Variants in SAMMSON observed in about 807,000 individuals in gnomAD.
The protein encoded by SAMMSON is survival associated mitochondrial melanoma specific oncogenic non-coding RNA, also known as long intergenic non-protein coding RNA 1212.
chr3:70,222,062 T>G (rs1291490135), intron 4 of SAMMSON, among the ~76,000 whole-genome samples: 1 of 152,116 alleles, frequency 6.6e-6, no homozygotes, highest in Non-Finnish European at 1.5e-5. Flanking sequence ...AACAACAATA[T>G]TAACCATTGC....
intron 2 of SAMMSON, among the ~76,000 whole-genome samples, chr3:70,416,479 T>C (rs555539327): frequency 1.5e-4 from 23 of 152,304 alleles, no homozygotes; most frequent in Admixed American, 5.9e-4. Flanking sequence ...TAGCAGTGTA[T>C]TACTCACGGA....
chr3:70,019,493 G>T (rs1473227604), intron 3 of SAMMSON, among the ~76,000 whole-genome samples: 1 of 152,100 alleles, frequency 6.6e-6, no homozygotes, highest in African/African-American at 2.4e-5. Context: ...CTTGAGATGG[G>T]TCTCCTGAAT....
At chr3:70,369,383 GA>G (rs892316711) in intron 9 of SAMMSON, among the ~76,000 whole-genome samples, 6 of 151,484 alleles carry the variant, frequency 4.0e-5, no homozygotes, top group African/African-American at 9.7e-5. Context: ...AGCATGACAG[GA>G]AAAAAATTTT....
chr3:70,083,229 G>C (rs2067272853), intron 4 of SAMMSON, among the ~76,000 whole-genome samples: 1 of 152,084 alleles, frequency 6.6e-6, no homozygotes, highest in African/African-American at 2.4e-5. Flanking sequence ...GGATTGTATC[G>C]CTTGCCATTT....
intron 9 of SAMMSON, among the ~76,000 whole-genome samples, chr3:70,379,003 AT>A (rs1703043614): frequency 1.3e-5 from 2 of 149,404 alleles, no homozygotes; most frequent in Non-Finnish European, 1.5e-5. Context: ...TTATTTATTT[AT>A]TTATTTATTT....
At chr3:70,321,268 C>T (rs1702536663) in intron 7 of SAMMSON, among the ~76,000 whole-genome samples, 2 of 152,040 alleles carry the variant, frequency 1.3e-5, no homozygotes, top group South Asian at 4.1e-4. Flanking sequence ...ATCCCCATTC[C>T]CAGGCAAACA....
intron 4 of SAMMSON, among the ~76,000 whole-genome samples, chr3:70,200,969 G>T (rs2106719957): frequency 6.6e-6 from 1 of 151,634 alleles, no homozygotes; most frequent in South Asian, 2.1e-4. Flanking sequence ...TTTTTGGGGT[G>T]GGGGTGGGTG....
intron 7 of SAMMSON, among the ~76,000 whole-genome samples, chr3:70,297,237 G>A (rs1479753972): frequency 9.9e-5 from 15 of 152,154 alleles, no homozygotes; most frequent in African/African-American, 3.6e-4. Flanking sequence ...ATTAGTTATT[G>A]TAAAATGAGT....
chr3:70,392,624 G>A (rs1701059673), downstream of SAMMSON, among the ~76,000 whole-genome samples: 1 of 152,066 alleles, frequency 6.6e-6, no homozygotes. Flanking sequence ...GTTAAAATGG[G>A]GGCTCTAGCA....
intron 7 of SAMMSON, among the ~76,000 whole-genome samples, chr3:70,295,373 T>G (rs1384833043): frequency 6.6e-6 from 1 of 152,124 alleles, no homozygotes; most frequent in African/African-American, 2.4e-5. Flanking sequence ...TTCCAAAAAC[T>G]CAACCCTTTG....
At chr3:70,096,776 G>T (rs1049724838) in intron 4 of SAMMSON, among the ~76,000 whole-genome samples, 1 of 152,116 alleles carries the variant, frequency 6.6e-6, no homozygotes, top group African/African-American at 2.4e-5. Flanking sequence ...TGTCCATGTA[G>T]CTCCTCATTC....
At chr3:70,185,444 G>C (rs1297552301) in intron 4 of SAMMSON, among the ~76,000 whole-genome samples, 1 of 152,078 alleles carries the variant, frequency 6.6e-6, no homozygotes, top group Non-Finnish European at 1.5e-5. Flanking sequence ...GGGGCCCAGA[G>C]CTCTCCCATG....
intron 4 of SAMMSON, among the ~76,000 whole-genome samples, chr3:70,079,683 G>A (rs1263610325): frequency 6.6e-6 from 1 of 152,170 alleles, no homozygotes; most frequent in Non-Finnish European, 1.5e-5. Flanking sequence ...ATGATGTTTG[G>A]TAGGTTAGGC....
At chr3:70,231,155 T>C (rs1434779253) in intron 4 of SAMMSON, among the ~76,000 whole-genome samples, 7 of 152,226 alleles carry the variant, frequency 4.6e-5, no homozygotes, top group African/African-American at 1.7e-4. Flanking sequence ...GTGAAAAATA[T>C]TATTGCCTGA....
intron 2 of SAMMSON, among the ~76,000 whole-genome samples, chr3:70,409,581 A>G (rs938889147): frequency 4.6e-5 from 7 of 152,102 alleles, no homozygotes; most frequent in African/African-American, 1.7e-4. Context: ...GGCCTTATCC[A>G]TGTCATTTAA....
intron 4 of SAMMSON, among the ~76,000 whole-genome samples, chr3:70,163,440 A>G (rs1219649239): frequency 6.6e-6 from 1 of 151,538 alleles, no homozygotes; most frequent in African/African-American, 2.4e-5. Context: ...AGTTTAGATT[A>G]ATATTAGCTT....
At position 70,037,228 on chromosome 3, in the gene SAMMSON, A is replaced by G. The variant is rs140857604; in HGVS notation, n.417+23556A>G. Among the ~76,000 whole-genome samples, 716 of 152,094 alleles carry G rather than the reference A, an allele frequency of 4.7e-3. 4 individuals carry two copies. The highest frequency in any genetic ancestry group is 0.015 in the South Asian group (71 of 4,816). Reference sequence around the variant, plus strand: ...TTCCTTTTGATTATGGCTTTACCCAATTCTATCTGGACTGCCATTCACACT... The same window carrying G: ...TTCCTTTTGATTATGGCTTTACCCAGTTCTATCTGGACTGCCATTCACACT... On this transcript the variant is annotated intron_variant and non_coding_transcript_variant, in intron 3 of 9. Transcript: ENST00000642114.
intron 7 of SAMMSON, among the ~76,000 whole-genome samples, chr3:70,308,109 T>G (rs1175479063): frequency 1.3e-5 from 2 of 152,208 alleles, no homozygotes; most frequent in Non-Finnish European, 2.9e-5. Flanking sequence ...TGTAGTACAG[T>G]GGTGTGATCA....
chr3:70,246,576 G>A (rs757176589), intron 4 of SAMMSON, among the ~76,000 whole-genome samples: 2 of 152,046 alleles, frequency 1.3e-5, no homozygotes, highest in Non-Finnish European at 2.9e-5. Context: ...TCAGTTGTTA[G>A]TATAAGGATG....
Sources: allele counts gnomAD v4.1 joint callset (sites outside exome capture counted in the v4.1 genomes callset), GRCh38; gene constraint gnomAD v4.1.1; transcripts MANE v1.5; gene names NCBI Gene and HGNC (gene_info 2026-07-23, HGNC 2026-07-21).